SOX5: variants seen among roughly 807,000 people sequenced by gnomAD.
SOX5 encodes the protein transcription factor SOX-5.
In SOX5, 9 loss-of-function variants were observed where a neutral mutation model predicts 92.0. That is an observed-to-expected ratio of 0.10 (90% CI 0.06 to 0.17). The LOEUF is 0.17. SOX5 is among the 10% of genes least tolerant of loss of function. The probability of loss-of-function intolerance (pLI) is 1.00; values close to 1 mark genes in which losing one functional copy is unlikely to be tolerated. For missense variants in SOX5, 642 were observed against 944.5 expected (o/e 0.68, Z 4.20); for synonymous variants, 344 against 336.3 (o/e 1.02, Z -0.25).
At chr12:24,360,811 TA>T (rs1347475966) in intron 2 of SOX5, among the ~76,000 whole-genome samples, 1 of 152,240 alleles carries the variant, frequency 6.6e-6, no homozygotes, top group African/African-American at 2.4e-5. Flanking sequence ...AAATCACTAA[TA>T]ATGGCATCCA....
intron 4 of SOX5, among the ~76,000 whole-genome samples, chr12:24,152,706 T>C (rs1432352578): frequency 6.6e-6 from 1 of 152,146 alleles, no homozygotes; most frequent in African/African-American, 2.4e-5. Context: ...TTAAATTTGA[T>C]AAAGGTTTTT....
At chr12:23,742,980 T>G (rs1298546547) in intron 4 of SOX5, among the ~76,000 whole-genome samples, 1 of 151,896 alleles carries the variant, frequency 6.6e-6, no homozygotes, top group African/African-American at 2.4e-5. Flanking sequence ...TCCAAAAATA[T>G]CATAAGAAAT....
chr12:24,190,323 A>AG (rs1956400253), intron 4 of SOX5, among the ~76,000 whole-genome samples: 1 of 152,228 alleles, frequency 6.6e-6, no homozygotes, highest in South Asian at 2.1e-4. Flanking sequence ...TTAAAGATGG[A>AG]GGGATTATCT....
chr12:23,628,806 T>A (rs552821698), intron 8 of SOX5, among the ~76,000 whole-genome samples: 4 of 151,928 alleles, frequency 2.6e-5, no homozygotes, highest in Admixed American at 2.0e-4. Context: ...TAAGCTTTTT[T>A]TTTTTATTTT....
rs1029396555 is a variant in SOX5 at position 24,125,228 on chromosome 12, C to T, written c.-2+88115G>A. ...AATTTCATGAAGGATATAAAGATCT[C>T]GAAGACATAAAACATAGATCTCATT... On this transcript the variant is annotated intron_variant, in intron 4 of 4. Coordinates refer to the SOX5 transcript ENST00000446891. Among the ~76,000 whole-genome samples, 19 of 152,098 alleles carry T rather than the reference C, an allele frequency of 1.2e-4. No homozygotes were observed. In the East Asian group the frequency reaches 2.1e-3, roughly 17 times the overall value.
At chr12:24,333,668 C>T (rs1227796527) in intron 2 of SOX5, among the ~76,000 whole-genome samples, 1 of 151,940 alleles carries the variant, frequency 6.6e-6, no homozygotes, top group Non-Finnish European at 1.5e-5. Context: ...TGTCTTAATA[C>T]AACAGGCTAG....
chr12:24,051,660 T>C (rs1182447235), intron 4 of SOX5, among the ~76,000 whole-genome samples: 1 of 152,212 alleles, frequency 6.6e-6, no homozygotes, highest in Non-Finnish European at 1.5e-5. Context: ...GTTTGTTTAG[T>C]ATAAGTTAGG....
intron 3 of SOX5, among the ~76,000 whole-genome samples, chr12:24,245,981 T>C (rs543013478): frequency 2.4e-4 from 37 of 152,288 alleles, no homozygotes; most frequent in Non-Finnish European, 5.1e-4. Flanking sequence ...TGTAGAACTG[T>C]ATGTTTATTA....
chr12:24,336,125 C>A (rs1056058392), intron 2 of SOX5, among the ~76,000 whole-genome samples: 1 of 151,078 alleles, frequency 6.6e-6, no homozygotes, highest in South Asian at 2.1e-4. Flanking sequence ...GACAGAGTCT[C>A]GCTCTGTCAC....
intron 1 of SOX5, among the ~76,000 whole-genome samples, chr12:24,513,144 G>A (rs372839326): frequency 6.6e-6 from 1 of 152,240 alleles, no homozygotes; most frequent in East Asian, 1.9e-4. Context: ...ACAGTGCCCT[G>A]TGTTACCAGA....
chr12:23,625,850 G>A (rs878872885), intron 8 of SOX5, among the ~76,000 whole-genome samples: 36 of 152,132 alleles, frequency 2.4e-4, no homozygotes, highest in Non-Finnish European at 4.1e-4. Flanking sequence ...CTCATGATCC[G>A]CCTGCCTCGG....
rs1302800473 is a variant in SOX5 at position 24,306,776 on chromosome 12, ACC to A, written c.-173-29466_-173-29465del. On this transcript the variant is annotated intron_variant, in intron 2 of 4. Coordinates refer to the SOX5 transcript ENST00000446891. ...AAGAAGGTAGGTGGGGATGATAGCC[ACC>A]CTTCTACTCCTACCCCTAAATGTGA... is the stretch of plus-strand genomic sequence containing the variant. 3.3e-5 allele frequency among the ~76,000 whole-genome samples: 5 copies of A among 152,220 alleles called. No homozygotes were observed. In the East Asian group the frequency reaches 7.8e-4, roughly 24 times the overall value.
At chr12:24,468,595 G>A (rs185081932) in intron 1 of SOX5, among the ~76,000 whole-genome samples, 38 of 152,150 alleles carry the variant, frequency 2.5e-4, no homozygotes, top group South Asian at 1.5e-3. Flanking sequence ...GTCAAACACC[G>A]CCCCACAAAG....
intron 2 of SOX5, among the ~76,000 whole-genome samples, chr12:24,314,158 C>G (rs905902149): frequency 9.2e-5 from 14 of 152,126 alleles, no homozygotes; most frequent in African/African-American, 2.7e-4. Context: ...CATTCCTTGA[C>G]CAAAACCTGT....
rs555469312 is a variant in SOX5, at chr12:23,959,698, C to T, written c.-1-63674G>A. On this transcript the variant is annotated intron_variant, in intron 4 of 4. Transcript: ENST00000446891. ...TCTTTGAAATCAATGAGAAAAAGAT[C>T]AACAAGTCAATAGTAAAATAAGCAA... 1.2e-3 allele frequency among the ~76,000 whole-genome samples: 189 copies of T among 152,120 alleles called. 1 individual carries two copies. Among genetic ancestry groups the T allele is most frequent in the African/African-American group, 4.4e-3 (181 of 41,530 alleles).
At chr12:24,412,991 G>A (rs923745784) in intron 1 of SOX5, among the ~76,000 whole-genome samples, 4 of 151,956 alleles carry the variant, frequency 2.6e-5, no homozygotes, top group African/African-American at 7.3e-5. Context: ...TCCTGACCTC[G>A]TGATCCACCC....
chr12:24,385,926 C>CAAAAAAAAAAAAAAAAAAA (rs35813329), intron 1 of SOX5, among the ~76,000 whole-genome samples: 4 of 73,404 alleles, frequency 5.4e-5, no homozygotes, highest in South Asian at 5.5e-4. Context: ...GACCTTGTCA[C>CAAAAAAAAAAAAAAAAAAA]AAAAAAAAAA....
intron 9 of SOX5, among the ~76,000 whole-genome samples, chr12:23,577,857 C>T (rs1177625092): frequency 6.6e-6 from 1 of 151,560 alleles, no homozygotes; most frequent in East Asian, 2.0e-4. Context: ...TGCAGTGGCT[C>T]ACACCTGTAA....
At chr12:24,526,494 G>C in intron 1 of SOX5, among the ~76,000 whole-genome samples, 1 of 152,196 alleles carries the variant, frequency 6.6e-6, no homozygotes, top group Non-Finnish European at 1.5e-5. Flanking sequence ...GTGCGCAGGT[G>C]TGATGAGAGA....
Sources: gnomAD v4.1 joint callset for allele counts (sites outside exome capture counted in the v4.1 genomes callset) on GRCh38, gnomAD v4.1.1 for gene constraint, MANE v1.5 for transcripts, NCBI Gene and HGNC (gene_info 2026-07-23, HGNC 2026-07-21) for gene names.